INPP5A: variants seen among roughly 807,000 people sequenced by gnomAD.
INPP5A encodes 43 kDa inositol polyphosphate 5-phophatase.
INPP5A carries 14 observed loss-of-function variants against 65.2 expected under a neutral mutation model. That is an observed-to-expected ratio of 0.21 (90% CI 0.14 to 0.34). The LOEUF (loss-of-function observed/expected upper bound fraction) is 0.34, where lower values mean the gene tolerates loss of function less well. Ranked by LOEUF, INPP5A falls within the 10% of genes least tolerant of loss-of-function variation. INPP5A has a pLI of 1.00. For synonymous variants in INPP5A, 207 were observed against 208.3 expected (o/e 0.99, Z 0.05); for missense variants, 431 against 545.6 (o/e 0.79, Z 2.09).
In INPP5A at chr10:132,575,854, A is replaced by AT. The variant is rs1393104137; in HGVS notation, c.76-32059dup. On this transcript the variant is annotated intron_variant, in intron 1 of 15. Coordinates refer to ENST00000368594, the MANE Select transcript of INPP5A (RefSeq NM_005539.5). This position sits in a 1 kb window ranked among gnomAD's most constrained non-coding sequence, Gnocchi z 5.4. Reference sequence around the variant, plus strand: ...TCTGTGGCTGTTTTCTTTCTTTATGATTGTTTGCTTCTCACACTCCCTGCC... The same window carrying AT: ...TCTGTGGCTGTTTTCTTTCTTTATGATTTGTTTGCTTCTCACACTCCCTGCC... Among the ~76,000 whole-genome samples the AT allele has an allele frequency of 6.6e-6, 1 of 151,850 alleles. No individual in the cohort carries two copies. The highest frequency in any genetic ancestry group is 1.5e-5 in the Non-Finnish European group (1 of 67,978).
rs113631133 is a variant in INPP5A at position 132,626,001 on chromosome 10, A to T, written c.117+18045A>T. On this transcript the variant is annotated intron_variant, in intron 2 of 15. Transcript: ENST00000368594. ...CGCACACCTGTATAGTGCCCGCCCC[A>T]ACATAATGGGGAATTTCCATCTTCC... is the stretch of plus-strand genomic sequence containing the variant. Among the ~76,000 whole-genome samples the T allele has an allele frequency of 2.9e-3, 447 of 152,274 alleles. 2 individuals carry two copies. Among genetic ancestry groups the T allele is most frequent in the African/African-American group, 0.01 (427 of 41,548 alleles).
intron 1 of INPP5A, among the ~76,000 whole-genome samples, chr10:132,559,024 C>G (rs2071164881): frequency 6.6e-6 from 1 of 152,200 alleles, no homozygotes; most frequent in Non-Finnish European, 1.5e-5. Flanking sequence ...ACAGTCCAGC[C>G]CCGTCCTCTG....
At chr10:132,759,254 C>CA (rs1312609049) in intron 11 of INPP5A, among the ~76,000 whole-genome samples, 2 of 152,070 alleles carry the variant, frequency 1.3e-5, no homozygotes, top group African/African-American at 2.4e-5. Context: ...TTGGATGCAC[C>CA]AGGGAAGACC....
intron 2 of INPP5A, among the ~76,000 whole-genome samples, chr10:132,608,207 G>A (rs1054047036): frequency 4.6e-5 from 7 of 152,208 alleles, no homozygotes; most frequent in African/African-American, 9.6e-5. Flanking sequence ...CTCCCTCCCC[G>A]CTCCCCGCGG....
rs548162576 is a variant in INPP5A, at chr10:132,679,946, A to G, written c.307-10446A>G. On this transcript the variant is annotated intron_variant, in intron 4 of 15. Transcript: ENST00000368594. ...GAATGAAGTTGGCCCCTCACATTACATTGTGTACAAAGTTAACCCAAAATG... is the reference window on the plus strand; with the variant it reads ...GAATGAAGTTGGCCCCTCACATTACGTTGTGTACAAAGTTAACCCAAAATG... 2.6e-5 allele frequency among the ~76,000 whole-genome samples: 4 copies of G among 152,350 alleles called. No homozygotes were observed. The South Asian group carries it at 8.3e-4, about 32-fold the overall frequency.
In INPP5A at chr10:132,616,710, G is replaced by A. The variant is rs1418216629; in HGVS notation, c.117+8754G>A. 6.6e-6 allele frequency among the ~76,000 whole-genome samples: 1 copy of A among 151,732 alleles called. No individual in the cohort carries two copies. Among genetic ancestry groups the A allele is most frequent in the Non-Finnish European group, 1.5e-5 (1 of 67,896 alleles). On this transcript the variant is annotated intron_variant, in intron 2 of 15. Coordinates refer to ENST00000368594, the MANE Select transcript of INPP5A (RefSeq NM_005539.5). This position sits in a 1 kb window ranked among gnomAD's most constrained non-coding sequence, Gnocchi z 4.9. ...GGTGTGGTAATGTGGCGTGGAGGAT[G>A]CAGTGTGGGGGACATGGTGACATGG...
chr10:132,628,463 CGGGGGGG>C (rs55668291), intron 2 of INPP5A, among the ~76,000 whole-genome samples: 1 of 23,296 alleles, frequency 4.3e-5, no homozygotes, highest in Non-Finnish European at 9.9e-5. Flanking sequence ...GCTCTGGTGG[CGGGGGGG>C]GGGGGGGGCG....
intron 1 of INPP5A, among the ~76,000 whole-genome samples, chr10:132,588,742 G>T (rs192838531): frequency 1.3e-5 from 2 of 152,224 alleles, no homozygotes; most frequent in African/African-American, 2.4e-5. Context: ...ATGAGTTGAC[G>T]TTCTGGTGTG....
At chr10:132,712,212 T>C (rs768777534) in intron 8 of INPP5A, among the ~76,000 whole-genome samples, 3 of 152,160 alleles carry the variant, frequency 2.0e-5, no homozygotes, top group Non-Finnish European at 4.4e-5. Flanking sequence ...TGCCTGTGCG[T>C]GTGTGCATGC....
chr10:132,735,757 G>A (rs554092622), intron 9 of INPP5A, among the ~76,000 whole-genome samples: 2 of 152,328 alleles, frequency 1.3e-5, no homozygotes, highest in South Asian at 2.1e-4. Context: ...GGGCAGAGCC[G>A]GGCTGGCAGC....
chr10:132,743,731 T>A (rs12783354), intron 9 of INPP5A, among the ~76,000 whole-genome samples: 24,962 of 152,214 alleles, frequency 0.16, 2,501 homozygotes, highest in Non-Finnish European at 0.22. Context: ...GTCACACCCT[T>A]GCTAAGCTTG....
chr10:132,572,557 G>A (rs779596813), intron 1 of INPP5A, among the ~76,000 whole-genome samples: 25 of 152,080 alleles, frequency 1.6e-4, no homozygotes, highest in Non-Finnish European at 2.8e-4. Context: ...GTGAAGCAGC[G>A]TGACCCAGGG....
chr10:132,723,376 G>A (rs1344169490), intron 8 of INPP5A, among the ~76,000 whole-genome samples: 1 of 152,250 alleles, frequency 6.6e-6, no homozygotes, highest in Non-Finnish European at 1.5e-5. Flanking sequence ...GGGTTCTGCT[G>A]TTTGTTTAGC....
chr10:132,644,010 G>C lies in INPP5A; in HGVS notation c.118-1858G>C, dbSNP rs990174648. On this transcript the variant is annotated intron_variant, in intron 2 of 15. Transcript: ENST00000368594. The surrounding 1 kb of genome is among the most constrained non-coding windows in gnomAD (Gnocchi z 6.5). Reference sequence around the variant, plus strand: ...CGGACACCACAACAAAACCAGAGTTGTGCATCAAGACAGCTGGAACCAGAC... The same window carrying C: ...CGGACACCACAACAAAACCAGAGTTCTGCATCAAGACAGCTGGAACCAGAC... 2.0e-5 allele frequency among the ~76,000 whole-genome samples: 3 copies of C among 152,136 alleles called. No individual in the cohort carries two copies. The highest frequency in any genetic ancestry group is 4.8e-5 in the African/African-American group (2 of 41,432).
chr10:132,597,104 CAT>C (rs1183099303), intron 1 of INPP5A, among the ~76,000 whole-genome samples: 2 of 148,656 alleles, frequency 1.3e-5, no homozygotes, highest in Admixed American at 6.7e-5. Context: ...CATGTGTTTG[CAT>C]GTGTGTGCAT....
chr10:132,615,154 C>G (rs1268327932), intron 2 of INPP5A, among the ~76,000 whole-genome samples: 1 of 152,230 alleles, frequency 6.6e-6, no homozygotes, highest in African/African-American at 2.4e-5. Context: ...AGCTGCTGCC[C>G]TCTGTCCCCA....
At position 132,549,899 on chromosome 10, in the gene INPP5A, G is replaced by C. The variant is rs1037574121; in HGVS notation, c.75+11728G>C. Among the ~76,000 whole-genome samples, 1 of 151,514 alleles carries C rather than the reference G, an allele frequency of 6.6e-6. No individual in the cohort carries two copies. Among genetic ancestry groups the C allele is most frequent in the African/African-American group, 2.4e-5 (1 of 41,168 alleles). On this transcript the variant is annotated intron_variant, in intron 1 of 15. Transcript: ENST00000368594. The surrounding 1 kb of genome is among the most constrained non-coding windows in gnomAD (Gnocchi z 4.9). ...AACCAGGCATTAGGGGATGGGGTCA[G>C]CCTCGAGTTACTAACCGGGCATTAG...
chr10:132,647,736 G>A (rs1006033592), intron 3 of INPP5A, among the ~76,000 whole-genome samples: 4 of 152,180 alleles, frequency 2.6e-5, no homozygotes, highest in South Asian at 4.1e-4. Context: ...GCTGGGGCAC[G>A]GCATCATTGG....
At chr10:132,703,299 G>A (rs958546147) in intron 6 of INPP5A, among the ~76,000 whole-genome samples, 3 of 152,186 alleles carry the variant, frequency 2.0e-5, no homozygotes, top group East Asian at 3.9e-4. Context: ...CCCTGTGCCC[G>A]CGGTGCCTGT....
Sources: allele counts gnomAD v4.1 joint callset (sites outside exome capture counted in the v4.1 genomes callset), GRCh38; gene constraint gnomAD v4.1.1; non-coding constraint Gnocchi (gnomAD v3.1); transcripts MANE v1.5; gene names NCBI Gene and HGNC (gene_info 2026-07-23, HGNC 2026-07-21).